LRRFIP1: variants seen among roughly 807,000 people sequenced by gnomAD.
The protein encoded by LRRFIP1 is leucine-rich repeat flightless-interacting protein 1.
LRRFIP1 carries 62 observed loss-of-function variants against 104.4 expected under a neutral mutation model. That is an observed-to-expected ratio of 0.59 (90% CI 0.48 to 0.73). The LOEUF is 0.73. Among genes scored for constraint, LRRFIP1 ranks in the 30% least tolerant of loss-of-function variants. The probability of loss-of-function intolerance (pLI) is 0.00; values close to 1 mark genes in which losing one functional copy is unlikely to be tolerated. For missense variants in LRRFIP1, 796 were observed against 824.5 expected (o/e 0.97, Z 0.42); for synonymous variants, 300 against 299.0 (o/e 1.00, Z -0.03).
chr2:237,675,915 CA>C (rs1164357840), intron 1 of LRRFIP1, among the ~76,000 whole-genome samples: 4 of 152,180 alleles, frequency 2.6e-5, no homozygotes, highest in Admixed American at 2.6e-4. Flanking sequence ...TGCTGTAAAG[CA>C]GTAGGTTGAC....
intron 23 of LRRFIP1, among the ~76,000 whole-genome samples, chr2:237,775,100 T>G (rs2060968174): frequency 6.6e-6 from 1 of 152,326 alleles, no homozygotes; most frequent in East Asian, 1.9e-4. Flanking sequence ...AGTCTCCGCC[T>G]CCATAGAGCC....
intron 1 of LRRFIP1, among the ~76,000 whole-genome samples, chr2:237,633,370 A>C (rs1208953588): frequency 6.6e-6 from 1 of 152,172 alleles, no homozygotes; most frequent in African/African-American, 2.4e-5. Flanking sequence ...GTCCACAGAA[A>C]ACTCAGCTGT....
chr2:237,719,642 T>TGCTGTTTCAGGG lies in LRRFIP1; in HGVS notation c.294+75_294+76insGCTGTTTCAGGG, dbSNP rs1282183482. 1.1e-5 allele frequency: 11 copies of TGCTGTTTCAGGG among 987,882 alleles called. No homozygotes were observed. In the African/African-American group the frequency reaches 1.8e-4, roughly 16 times the overall value. 61.2% of individuals were successfully genotyped at this position (987,882 alleles called of 1,614,324 possible). On this transcript the variant is annotated intron_variant, in intron 5 of 23. Transcript: ENST00000308482. Reference sequence around the variant, plus strand: ...TTATGCTTGCAGTGGCTGAAGTATATATAATATATTCAATCTCTTAATGAT... The same window carrying TGCTGTTTCAGGG: ...TTATGCTTGCAGTGGCTGAAGTATATGCTGTTTCAGGGATAATATATTCAATCTCTTAATGAT...
rs897297461 is a variant in LRRFIP1 at position 237,751,910 on chromosome 2, C to T, written c.867+639C>T. Among the ~76,000 whole-genome samples the T allele has an allele frequency of 3.9e-5, 6 of 152,262 alleles. No individual in the cohort carries two copies. In the East Asian group the frequency reaches 7.7e-4, roughly 20 times the overall value. ...AGTGACTGTCTTCCTTAGGCAGCAG[C>T]GGATCATGGATCTGGAAGTGGGTGG... On this transcript the variant is annotated intron_variant, in intron 14 of 23. Transcript: ENST00000308482.
intron 1 of LRRFIP1, among the ~76,000 whole-genome samples, chr2:237,655,141 C>G (rs1252376595): frequency 3.9e-5 from 2 of 51,902 alleles, no homozygotes; most frequent in African/African-American, 1.7e-4. Flanking sequence ...GACGGAGTCT[C>G]GCTCTGTCGC....
chr2:237,719,319 G>A (rs762881550), intron 4 of LRRFIP1, among the ~76,000 whole-genome samples: 11 of 152,116 alleles, frequency 7.2e-5, no homozygotes, highest in Admixed American at 1.3e-4. Flanking sequence ...TTATTTTTGT[G>A]CTTAAGAACC....
In LRRFIP1 at chr2:237,632,357, C is replaced by A. The variant is rs1042247011; in HGVS notation, c.96+4617C>A. Reference sequence around the variant, plus strand: ...CTGTGGTACGTTTCCTGCTCCGGAGCTCTCTGCGGGCCAGGCTGAGGCCAA... The same window carrying A: ...CTGTGGTACGTTTCCTGCTCCGGAGATCTCTGCGGGCCAGGCTGAGGCCAA... On this transcript the variant is annotated intron_variant, in intron 1 of 23. Transcript: ENST00000308482. 2.6e-5 allele frequency among the ~76,000 whole-genome samples: 4 copies of A among 152,216 alleles called. No individual in the cohort carries two copies. In the South Asian group the frequency reaches 8.3e-4, roughly 31 times the overall value.
In LRRFIP1 at chr2:237,735,404, G is replaced by C; in HGVS notation, c.555+71G>C. On this transcript the variant is annotated intron_variant, in intron 10 of 23. Transcript: ENST00000308482. This position sits in a 1 kb window ranked among gnomAD's most constrained non-coding sequence, Gnocchi z 4.6. ...TGGCCTGGGGATGCTCGCTGGGCAG[G>C]GTCCAGCCGTGGGGGGTGACTGGCC... The C allele has an allele frequency of 6.9e-7, 1 of 1,457,244 alleles. No homozygotes were observed. Among genetic ancestry groups the C allele is most frequent in the Non-Finnish European group, 9.3e-7 (1 of 1,073,036 alleles). The allele number at this position is 1,457,244 out of a possible 1,614,324, so 90.3% of individuals were successfully genotyped here. A position where few individuals can be genotyped will look rare whatever the true frequency, so the allele number is the denominator to read the frequency against.
intron 19 of LRRFIP1, 33 bp from the exon 20 acceptor site, chr2:237,769,910 T>G: frequency 6.4e-7 from 1 of 1,551,412 alleles, no homozygotes; most frequent in African/African-American, 1.4e-5. Context: ...GCACGCGGAT[T>G]CACCTAAACC....
intron 21 of LRRFIP1, chr2:237,772,641 C>T (rs1036786213): frequency 6.9e-6 from 4 of 582,892 alleles, no homozygotes; most frequent in African/African-American, 3.7e-5. Context: ...ACTCTCTTGC[C>T]TGAGGTTTCC....
chr2:237,744,470 CTT>C (rs1303524355), intron 11 of LRRFIP1, among the ~76,000 whole-genome samples: 1 of 152,150 alleles, frequency 6.6e-6, no homozygotes, highest in East Asian at 1.9e-4. Flanking sequence ...ACATGGAAAA[CTT>C]AGCGTTTTAG....
chr2:237,635,262 C>A (rs1469742844), intron 1 of LRRFIP1, among the ~76,000 whole-genome samples: 1 of 152,170 alleles, frequency 6.6e-6, no homozygotes, highest in Non-Finnish European at 1.5e-5. Flanking sequence ...AAATGATGAA[C>A]TCTGTGTCTT....
At chr2:237,739,742 C>A (rs1269149215) in intron 11 of LRRFIP1, among the ~76,000 whole-genome samples, 1 of 152,112 alleles carries the variant, frequency 6.6e-6, no homozygotes, top group African/African-American at 2.4e-5. Context: ...AGATTTGCAG[C>A]CCTGCATCCT....
At chr2:237,651,906 G>A (rs2085993701) in intron 1 of LRRFIP1, among the ~76,000 whole-genome samples, 1 of 152,254 alleles carries the variant, frequency 6.6e-6, no homozygotes, top group South Asian at 2.1e-4. Context: ...TAGCCTCTCA[G>A]CTTTAGTTCA....
intron 19 of LRRFIP1, among the ~76,000 whole-genome samples, chr2:237,761,988 G>A (rs1265740906): frequency 1.3e-5 from 2 of 152,214 alleles, no homozygotes; most frequent in East Asian, 3.8e-4. Flanking sequence ...TGGAGCAGAG[G>A]TATCAGGGCA....
At position 237,758,761 on chromosome 2, in the gene LRRFIP1, C is replaced by T. The variant is rs776640802; in HGVS notation, c.1257C>T (p.Ser419=). The change falls in exon 18 of 24, where the codon TCC becomes TCT. Residue 419 remains serine, a synonymous_variant. Coordinates refer to ENST00000308482, the MANE Select transcript of LRRFIP1 (RefSeq NM_001137550.2). ...ALERQKEFFD[S]VRSERDDLRE... ...AGAGGCAGAAAGAGTTCTTTGATTCCGTAAGGAGTGAACGGGATGATCTTA... is the reference window on the plus strand; with the variant it reads ...AGAGGCAGAAAGAGTTCTTTGATTCTGTAAGGAGTGAACGGGATGATCTTA... 2.0e-5 allele frequency: 33 copies of T among 1,612,958 alleles called. No individual in the cohort carries two copies. Among genetic ancestry groups the T allele is most frequent in the African/African-American group, 6.7e-5 (5 of 74,766 alleles).
intron 1 of LRRFIP1, among the ~76,000 whole-genome samples, chr2:237,687,464 C>A (rs189041150): frequency 6.6e-6 from 1 of 151,768 alleles, no homozygotes; most frequent in Non-Finnish European, 1.5e-5. Context: ...ACTAGCTGGG[C>A]GTGGTGGCGC....
intron 1 of LRRFIP1, among the ~76,000 whole-genome samples, chr2:237,654,123 A>T (rs2086394387): frequency 6.6e-6 from 1 of 152,252 alleles, no homozygotes; most frequent in Non-Finnish European, 1.5e-5. Flanking sequence ...TAAGGGGTTA[A>T]TATCCAAAAT....
chr2:237,734,287 T>C (rs2095153211), intron 9 of LRRFIP1, among the ~76,000 whole-genome samples: 1 of 145,526 alleles, frequency 6.9e-6, no homozygotes, highest in Admixed American at 6.8e-5. Flanking sequence ...TTTTTTTTTT[T>C]TTTTTTTTTT....
Sources: gnomAD v4.1 joint callset for allele counts (sites outside exome capture counted in the v4.1 genomes callset) on GRCh38, gnomAD v4.1.1 for gene constraint, Gnocchi (gnomAD v3.1) non-coding constraint, MANE v1.5 for transcripts, NCBI Gene and HGNC (gene_info 2026-07-23, HGNC 2026-07-21) for gene names.